NAALADL2: variants seen among roughly 807,000 people sequenced by gnomAD.
NAALADL2 encodes the protein inactive N-acetylated-alpha-linked acidic dipeptidase-like protein 2.
A neutral mutation model predicts 87.2 loss-of-function variants in NAALADL2; 76 were observed. That is an observed-to-expected ratio of 0.87 (90% CI 0.72 to 1.05). The LOEUF (loss-of-function observed/expected upper bound fraction) is 1.05. NAALADL2 is among the 50% of genes least tolerant of loss of function. NAALADL2 has a pLI of 0.00. For missense variants in NAALADL2, 1,089 were observed against 945.8 expected (o/e 1.15, Z -1.99); for synonymous variants, 354 against 331.0 (o/e 1.07, Z -0.75).
intron 1 of NAALADL2, among the ~76,000 whole-genome samples, chr3:174,509,562 C>A (rs1719455053): frequency 1.4e-5 from 2 of 142,864 alleles, no homozygotes; most frequent in Admixed American, 1.4e-4. Flanking sequence ...CCACCACACC[C>A]AGCTAATTTT....
In NAALADL2 at chr3:175,413,081, G is replaced by T. The variant is rs535658237; in HGVS notation, c.1091-34148G>T. On this transcript the variant is annotated intron_variant, in intron 5 of 13. Coordinates refer to ENST00000454872, the MANE Select transcript of NAALADL2 (RefSeq NM_207015.3). ...TTTTTTTGTATTTTTAGTAGAGATG[G>T]GGTTTCACCGTGTTAGGCAGGATGG... Among the ~76,000 whole-genome samples the T allele has an allele frequency of 1.4e-4, 21 of 147,102 alleles. No homozygotes were observed. The East Asian group carries it at 4.5e-3, about 31-fold the overall frequency.
chr3:174,695,716 A>G (rs560221706), intron 2 of NAALADL2, among the ~76,000 whole-genome samples: 2 of 152,196 alleles, frequency 1.3e-5, no homozygotes, highest in East Asian at 1.9e-4. Flanking sequence ...ATAGAACTAT[A>G]GACATTAAAA....
intron 10 of NAALADL2, among the ~76,000 whole-genome samples, chr3:175,596,831 A>C (rs190078987): frequency 1.3e-5 from 2 of 151,954 alleles, no homozygotes; most frequent in African/African-American, 4.8e-5. Flanking sequence ...CCTAAGTCCT[A>C]AAAGTTGTTT....
chr3:175,060,117 A>G (rs1580241350), intron 1 of NAALADL2: 1 of 220,020 alleles, frequency 4.5e-6, no homozygotes, highest in East Asian at 1.3e-4. Flanking sequence ...AAAAAAAGCT[A>G]GTTTTGGTTT....
chr3:175,440,229 G>C (rs1030177312), intron 5 of NAALADL2, among the ~76,000 whole-genome samples: 2 of 152,000 alleles, frequency 1.3e-5, no homozygotes, highest in African/African-American at 4.8e-5. Flanking sequence ...TCTCTATTCT[G>C]TTCCATTGAT....
intron 9 of NAALADL2, among the ~76,000 whole-genome samples, chr3:175,476,128 A>G (rs2149306328): frequency 6.6e-6 from 1 of 152,286 alleles, no homozygotes; most frequent in Admixed American, 6.5e-5. Context: ...CTTTTTTTAT[A>G]TACAAAGCAC....
chr3:175,029,483 A>G (rs975009046), intron 1 of NAALADL2, among the ~76,000 whole-genome samples: 2 of 152,078 alleles, frequency 1.3e-5, no homozygotes, highest in South Asian at 2.1e-4. Context: ...GCTTACAAGT[A>G]AAAGAAAAAG....
At chr3:174,446,401 A>G (rs912858882) in intron 1 of NAALADL2, among the ~76,000 whole-genome samples, 1 of 152,156 alleles carries the variant, frequency 6.6e-6, no homozygotes, top group Non-Finnish European at 1.5e-5. Context: ...CAATCTTGGT[A>G]TATAAAATTA....
intron 1 of NAALADL2, among the ~76,000 whole-genome samples, chr3:174,900,127 A>G (rs1033698673): frequency 6.6e-6 from 1 of 152,142 alleles, no homozygotes. Context: ...GAGATATTAC[A>G]CCATTTACAA....
intron 3 of NAALADL2, among the ~76,000 whole-genome samples, chr3:174,739,451 A>G (rs146306348): frequency 1.3e-5 from 2 of 152,152 alleles, no homozygotes; most frequent in African/African-American, 2.4e-5. Context: ...TAGGATCTCT[A>G]TGGTTTCATT....
At chr3:175,419,948 G>A (rs1484212755) in intron 5 of NAALADL2, among the ~76,000 whole-genome samples, 1 of 151,836 alleles carries the variant, frequency 6.6e-6, no homozygotes, top group Non-Finnish European at 1.5e-5. Context: ...GGACTACAAA[G>A]GCAAGGTTTA....
intron 1 of NAALADL2, among the ~76,000 whole-genome samples, chr3:175,004,919 A>G (rs776186238): frequency 1.3e-5 from 2 of 152,150 alleles, no homozygotes; most frequent in African/African-American, 2.4e-5. Context: ...CAAGCACTTC[A>G]GATAAGAGAT....
chr3:175,249,102 CTT>C (rs1413984740), intron 3 of NAALADL2, among the ~76,000 whole-genome samples: 2 of 151,850 alleles, frequency 1.3e-5, no homozygotes, highest in Non-Finnish European at 2.9e-5. Flanking sequence ...AATAGCTACT[CTT>C]GTTTATTTTT....
chr3:175,668,127 C>T (rs902284673), intron 11 of NAALADL2, among the ~76,000 whole-genome samples: 1 of 152,070 alleles, frequency 6.6e-6, no homozygotes, highest in Non-Finnish European at 1.5e-5. Flanking sequence ...TGTGACCTCT[C>T]GTTGGAGTTT....
chr3:175,213,729 G>A (rs987213378), intron 2 of NAALADL2, among the ~76,000 whole-genome samples: 1 of 152,120 alleles, frequency 6.6e-6, no homozygotes, highest in African/African-American at 2.4e-5. Flanking sequence ...TATATGTACT[G>A]TTATTATCTC....
intron 2 of NAALADL2, among the ~76,000 whole-genome samples, chr3:174,656,214 AC>A (rs1477750985): frequency 1.3e-5 from 2 of 152,198 alleles, no homozygotes; most frequent in Admixed American, 1.3e-4. Flanking sequence ...AGTAAAGAAT[AC>A]CCTGAAGTAG....
At chr3:174,673,251 G>C (rs900468597) in intron 2 of NAALADL2, among the ~76,000 whole-genome samples, 1 of 151,830 alleles carries the variant, frequency 6.6e-6, no homozygotes, top group African/African-American at 2.4e-5. Flanking sequence ...GTAACTGATA[G>C]CATTTCTTTT....
intron 9 of NAALADL2, among the ~76,000 whole-genome samples, chr3:175,567,319 G>A (rs976888944): frequency 2.0e-5 from 3 of 152,064 alleles, no homozygotes; most frequent in African/African-American, 7.2e-5. Context: ...AGGGAGTAGA[G>A]AAGAAAACAC....
At chr3:174,695,371 C>T (rs1728926977) in intron 2 of NAALADL2, among the ~76,000 whole-genome samples, 1 of 151,878 alleles carries the variant, frequency 6.6e-6, no homozygotes, top group South Asian at 2.1e-4. Flanking sequence ...TACAGGAGTT[C>T]AGATTCTTTC....
Sources: gnomAD v4.1 joint callset for allele counts (sites outside exome capture counted in the v4.1 genomes callset) on GRCh38, gnomAD v4.1.1 for gene constraint, MANE v1.5 for transcripts, NCBI Gene and HGNC (gene_info 2026-07-23, HGNC 2026-07-21) for gene names.